SATB2: variants seen among roughly 807,000 people sequenced by gnomAD.
SATB2 encodes the protein DNA-binding protein SATB2.
A neutral mutation model predicts 73.4 loss-of-function variants in SATB2; 1 was observed. That is an observed-to-expected ratio of 0.01 (90% CI 0.00 to 0.06). The LOEUF (loss-of-function observed/expected upper bound fraction) is 0.06. Ranked by LOEUF, SATB2 falls within the 10% of genes least tolerant of loss-of-function variation. The pLI, the probability that SATB2 is intolerant of heterozygous loss-of-function variation, is 1.00. For missense variants in SATB2, 459 were observed against 945.8 expected, an observed-to-expected ratio of 0.49 and a Z score of 6.75; for synonymous variants, 397 against 367.0, an observed-to-expected ratio of 1.08 and a Z score of -0.93.
At chr2:199,307,605 T>G (rs1305320668) in intron 10 of SATB2, among the ~76,000 whole-genome samples, 1 of 152,172 alleles carries the variant, frequency 6.6e-6, no homozygotes, top group African/African-American at 2.4e-5. Context: ...GTTTGGGCAA[T>G]TCACTCTGCG....
Position 199,321,398 on chromosome 2 carries a change from T to C in SATB2, c.1542+2405A>G, listed in dbSNP as rs539335631. 4.4e-3 allele frequency among the ~76,000 whole-genome samples: 279 copies of C among 63,330 alleles called. 3 individuals are homozygous for C. The highest frequency in any genetic ancestry group is 7.8e-3 in the African/African-American group (225 of 28,864). 41.5% of individuals were successfully genotyped at this position (63,330 alleles called of 152,430 possible). ...ATACATAGACATATATATGTCTATA[T>C]ACACACACAGATACACCTTATGGAT... On this transcript the variant is annotated intron_variant, in intron 9 of 10. Transcript: ENST00000417098.
intron 3 of SATB2, among the ~76,000 whole-genome samples, chr2:199,384,473 C>A (rs1689870491): frequency 6.6e-6 from 1 of 152,224 alleles, no homozygotes; most frequent in Non-Finnish European, 1.5e-5. Flanking sequence ...TCTTAATGAG[C>A]CTTTCCTCCA....
intron 3 of SATB2, among the ~76,000 whole-genome samples, chr2:199,424,909 G>C (rs1311746143): frequency 6.6e-6 from 1 of 152,152 alleles, no homozygotes; most frequent in East Asian, 1.9e-4. Context: ...AAAAGTAACA[G>C]CACTATTGAA....
chr2:199,446,126 A>G (rs1421756656), intron 2 of SATB2, among the ~76,000 whole-genome samples: 1 of 152,236 alleles, frequency 6.6e-6, no homozygotes, highest in East Asian at 1.9e-4. Context: ...TGTTACAATT[A>G]CAGGTGACAA....
At chr2:199,324,837 T>C (rs1205045655) in intron 8 of SATB2, among the ~76,000 whole-genome samples, 1 of 152,144 alleles carries the variant, frequency 6.6e-6, no homozygotes, top group African/African-American at 2.4e-5. Context: ...GGCAGCAAGA[T>C]TTCAGGAAAA....
intron 7 of SATB2, among the ~76,000 whole-genome samples, chr2:199,336,963 CTG>C (rs1469251240): frequency 1.3e-5 from 2 of 152,182 alleles, no homozygotes; most frequent in African/African-American, 4.8e-5. Flanking sequence ...GAGCTTCTAA[CTG>C]TATGTGATAC....
intron 9 of SATB2, among the ~76,000 whole-genome samples, chr2:199,310,656 C>G (rs1251226213): frequency 6.6e-6 from 1 of 152,198 alleles, no homozygotes; most frequent in African/African-American, 2.4e-5. Context: ...AAGTCTCCAA[C>G]TGAATTCTTT....
intron 6 of SATB2, among the ~76,000 whole-genome samples, chr2:199,356,329 T>TA (rs11409557): frequency 0.34 from 50,910 of 151,566 alleles, 8,875 homozygotes; most frequent in East Asian, 0.49. Flanking sequence ...TCTACAAATG[T>TA]AAAAAAGGAC....
intron 10 of SATB2, among the ~76,000 whole-genome samples, chr2:199,291,770 AG>A (rs976565835): frequency 2.6e-5 from 4 of 151,928 alleles, no homozygotes; most frequent in African/African-American, 9.7e-5. Flanking sequence ...AAAATTAGCC[AG>A]GCATGGTGGC....
intron 10 of SATB2, among the ~76,000 whole-genome samples, chr2:199,297,798 T>TA (rs5837673): frequency 5.1e-4 from 75 of 147,254 alleles, no homozygotes; most frequent in Middle Eastern, 7.1e-3. Context: ...TTTTTAAGCT[T>TA]AAAAAAAAAA....
intron 10 of SATB2, among the ~76,000 whole-genome samples, chr2:199,282,794 G>C (rs1283151044): frequency 2.0e-5 from 3 of 152,062 alleles, no homozygotes; most frequent in African/African-American, 7.2e-5. Context: ...CTACAAATAG[G>C]CACATCTACT....
At chr2:199,446,924 C>T (rs1029466629) in intron 2 of SATB2, among the ~76,000 whole-genome samples, 9 of 152,060 alleles carry the variant, frequency 5.9e-5, no homozygotes, top group African/African-American at 2.2e-4. Flanking sequence ...AGAAACTCAG[C>T]GACAGATGAA....
At chr2:199,403,892 C>T (rs1484090890) in intron 3 of SATB2, among the ~76,000 whole-genome samples, 1 of 152,166 alleles carries the variant, frequency 6.6e-6, no homozygotes, top group Non-Finnish European at 1.5e-5. Flanking sequence ...CTACACAGTG[C>T]CTTCTGGGAT....
Position 199,420,485 on chromosome 2 carries a change from C to A in SATB2, c.346+12853G>T, listed in dbSNP as rs192332696. ...TTGGTTATTTTAGGGAACTCCAAGA[C>A]AATGTGGCCAGCATCCCTTATTGAG... On this transcript the variant is annotated intron_variant, in intron 3 of 10. Coordinates refer to ENST00000417098, the MANE Select transcript of SATB2 (RefSeq NM_001172509.2). Among the ~76,000 whole-genome samples, 18 of 152,250 alleles carry A rather than the reference C, an allele frequency of 1.2e-4. 1 individual carries two copies. Among genetic ancestry groups the A allele is most frequent in the Non-Finnish European group, 2.1e-4 (14 of 68,010 alleles).
chr2:199,410,539 CA>C (rs1000315754), intron 3 of SATB2, among the ~76,000 whole-genome samples: 14 of 152,302 alleles, frequency 9.2e-5, no homozygotes, highest in African/African-American at 3.4e-4. Flanking sequence ...TGCTTCTTCG[CA>C]AAAAATTGAA....
intron 7 of SATB2, chr2:199,348,381 A>C: frequency 8.8e-6 from 2 of 226,250 alleles, no homozygotes; most frequent in Non-Finnish European, 1.7e-5. Flanking sequence ...CACAAAATTC[A>C]AGATCAGGGT....
chr2:199,458,486 G>A (rs1394642948), upstream of SATB2: 2 of 388,840 alleles, frequency 5.1e-6, no homozygotes, highest in Non-Finnish European at 1.0e-5. Context: ...GCCAGCGGGT[G>A]GGTGCGTCTG....
chr2:199,345,483 A>G (rs550929119), intron 7 of SATB2, among the ~76,000 whole-genome samples: 1 of 144,144 alleles, frequency 6.9e-6, no homozygotes, highest in East Asian at 2.1e-4. Flanking sequence ...AAGTTGGTCA[A>G]CACTTCAACG....
chr2:199,459,377 C>T (rs1559068967), upstream of SATB2, among the ~76,000 whole-genome samples: 1 of 152,156 alleles, frequency 6.6e-6, no homozygotes, highest in Non-Finnish European at 1.5e-5. The surrounding 1 kb of genome is among the most constrained non-coding windows in gnomAD (Gnocchi z 4.2). Context: ...TAAGGTGGCG[C>T]GGGCACTAGC....
Sources: allele counts gnomAD v4.1 joint callset (sites outside exome capture counted in the v4.1 genomes callset), GRCh38; gene constraint gnomAD v4.1.1; non-coding constraint Gnocchi (gnomAD v3.1); transcripts MANE v1.5; gene names NCBI Gene and HGNC (gene_info 2026-07-23, HGNC 2026-07-21).